The following AVL9 variants were observed in gnomAD, a reference collection of about 807,000 sequenced individuals.
The protein encoded by AVL9 is AVL9 cell migration associated.
A neutral mutation model predicts 79.2 loss-of-function variants in AVL9; 49 were observed. That is an observed-to-expected ratio of 0.62 (90% CI 0.49 to 0.79). The LOEUF is 0.79. AVL9 is among the 30% of genes least tolerant of loss of function. The probability of loss-of-function intolerance (pLI) is 0.00; values close to 1 mark genes in which losing one functional copy is unlikely to be tolerated. For synonymous variants in AVL9, 299 were observed against 280.6 expected, an observed-to-expected ratio of 1.07 and a Z score of -0.65; for missense variants, 682 against 776.8, an observed-to-expected ratio of 0.88 and a Z score of 1.45.
intron 10 of AVL9, among the ~76,000 whole-genome samples, chr7:32,566,533 A>T (rs78627837): frequency 1 from 151,586 of 151,586 alleles, 75,793 homozygotes; most frequent in Non-Finnish European, 1. Flanking sequence ...ATAAAATAGT[A>T]TATAAATACT....
intron 3 of AVL9, among the ~76,000 whole-genome samples, chr7:32,545,895 G>A (rs1789474096): frequency 6.6e-6 from 1 of 152,060 alleles, no homozygotes; most frequent in Admixed American, 6.6e-5. Flanking sequence ...ATCACCTGGA[G>A]AGCTTTAAAA....
chr7:32,586,731 T>G lies in AVL9; in HGVS notation c.*2824T>G, dbSNP rs1264093662. On this transcript the variant is annotated 3_prime_UTR_variant, in exon 16 of 16. Coordinates refer to ENST00000318709, the MANE Select transcript of AVL9 (RefSeq NM_015060.3). ...TTCAGATGGCGCCAGGCACACACAC[T>G]ACATCAATGGCTTGCTGGTGGCTTC... The G allele has an allele frequency of 6.6e-6, 1 of 152,254 alleles. No individual in the cohort carries two copies. Among genetic ancestry groups the G allele is most frequent in the Non-Finnish European group, 1.5e-5 (1 of 68,068 alleles). 9.4% of individuals were successfully genotyped at this position (152,254 alleles called of 1,614,324 possible).
At chr7:32,531,249 A>G (rs954927875) in intron 1 of AVL9, among the ~76,000 whole-genome samples, 2 of 152,042 alleles carry the variant, frequency 1.3e-5, no homozygotes, top group Admixed American at 1.3e-4. Flanking sequence ...TTAAGCGGTA[A>G]TTATTTAGCT....
intron 1 of AVL9, among the ~76,000 whole-genome samples, chr7:32,541,453 A>T (rs954319720): frequency 6.6e-6 from 1 of 152,104 alleles, no homozygotes; most frequent in African/African-American, 2.4e-5. Context: ...TGATTATATA[A>T]AATATAATTA....
chr7:32,528,445 GGA>G (rs1295689873), intron 1 of AVL9, among the ~76,000 whole-genome samples: 1 of 152,140 alleles, frequency 6.6e-6, no homozygotes, highest in East Asian at 1.9e-4. Context: ...AACTCATTGA[GGA>G]GAGAGCCCGT....
At chr7:32,537,352 T>C (rs1313225795) in intron 1 of AVL9, 1 of 151,904 alleles carries the variant, frequency 6.6e-6, no homozygotes, top group East Asian at 1.9e-4. Flanking sequence ...CACATTTGAA[T>C]ATTCTGAAAA....
At chr7:32,523,508 C>CTTTTTTTTTTTTTTT (rs70992725) in intron 1 of AVL9, among the ~76,000 whole-genome samples, 2 of 79,262 alleles carry the variant, frequency 2.5e-5, no homozygotes, top group Non-Finnish European at 4.4e-5. Context: ...TATAAATTTC[C>CTTTTTTTTTTTTTTT]TTTTTTTTTT....
At chr7:32,558,224 T>C (rs958341503) in intron 8 of AVL9, among the ~76,000 whole-genome samples, 7 of 149,568 alleles carry the variant, frequency 4.7e-5, no homozygotes, top group African/African-American at 7.4e-5. Context: ...AGTGGTGTGA[T>C]CTTGGCTCAC....
intron 13 of AVL9, among the ~76,000 whole-genome samples, chr7:32,578,230 G>A (rs185301552): frequency 2.6e-4 from 39 of 152,146 alleles, no homozygotes; most frequent in Admixed American, 3.3e-4. Flanking sequence ...AGCCCTCAGA[G>A]AGAATTGATG....
chr7:32,580,919 T>C lies in AVL9; in HGVS notation c.1831+29T>C, dbSNP rs367590067. The C allele has an allele frequency of 5.9e-5, 90 of 1,534,244 alleles. 1 individual carries two copies. Among genetic ancestry groups the C allele is most frequent in the Non-Finnish European group, 7.6e-5 (84 of 1,110,290 alleles). On this transcript the variant is annotated intron_variant, in intron 15 of 15. Coordinates refer to ENST00000318709, the MANE Select transcript of AVL9 (RefSeq NM_015060.3). ...AGACATGCCTTTAGCCAGGAACAAA[T>C]TGGAATCACAACACATCCATTTTCT...
intron 1 of AVL9, among the ~76,000 whole-genome samples, chr7:32,530,605 C>T (rs995421610): frequency 1.3e-5 from 2 of 152,120 alleles, no homozygotes; most frequent in African/African-American, 4.8e-5. Context: ...TTTAAACAAA[C>T]ATAATTCTAT....
At chr7:32,504,976 C>T (rs993742965) in intron 1 of AVL9, among the ~76,000 whole-genome samples, 3 of 152,034 alleles carry the variant, frequency 2.0e-5, no homozygotes, top group Admixed American at 6.5e-5. Flanking sequence ...TGGGTACAAG[C>T]GATTCTCCTG....
At chr7:32,569,991 A>G (rs376757702) in intron 10 of AVL9, 29 bp from the exon 11 acceptor site, 20 of 1,610,574 alleles carry the variant, frequency 1.2e-5, no homozygotes, top group Non-Finnish European at 1.7e-5. Flanking sequence ...TACTTTTCTG[A>G]TATTTTCTAT....
intron 1 of AVL9, among the ~76,000 whole-genome samples, chr7:32,503,649 T>C (rs1321802142): frequency 6.6e-6 from 1 of 151,326 alleles, no homozygotes; most frequent in African/African-American, 2.4e-5. Context: ...CAGGGTATGC[T>C]GAGTGTTCAT....
intron 10 of AVL9, among the ~76,000 whole-genome samples, chr7:32,567,030 T>TA (rs1024169251): frequency 1.3e-5 from 2 of 152,244 alleles, no homozygotes; most frequent in Non-Finnish European, 2.9e-5. Flanking sequence ...GGTACTTTTT[T>TA]AAAAAATACA....
chr7:32,570,955 C>G (rs1309341119), intron 11 of AVL9, among the ~76,000 whole-genome samples: 1 of 143,384 alleles, frequency 7.0e-6, no homozygotes, highest in Non-Finnish European at 1.5e-5. Flanking sequence ...TGAGGCTCGG[C>G]GCAGTGGCTC....
Position 32,584,138 on chromosome 7 carries a change from G to A in AVL9, c.*231G>A, listed in dbSNP as rs1246298229. 3.6e-6 allele frequency: 2 copies of A among 563,030 alleles called. No individual in the cohort carries two copies. Among genetic ancestry groups the A allele is most frequent in the Non-Finnish European group, 6.5e-6 (2 of 305,396 alleles). 34.9% of individuals were successfully genotyped at this position (563,030 alleles called of 1,614,324 possible). A position where few individuals can be genotyped will look rare whatever the true frequency, so the allele number is the denominator to read the frequency against. ...CAATTGACTACTTTTATTTCAGTCT[G>A]AGCCTGATTAAAACATACAGTGAAC... On this transcript the variant is annotated 3_prime_UTR_variant, in exon 16 of 16. Transcript: ENST00000318709.
chr7:32,558,856 C>A, intron 9 of AVL9, 73 bp from the exon 10 acceptor site: 2 of 1,320,092 alleles, frequency 1.5e-6, no homozygotes. Context: ...ATAGGGGAGT[C>A]TACTAATATA....
At chr7:32,562,605 GC>G (rs1562790613) in intron 10 of AVL9, 1 of 983,188 alleles carries the variant, frequency 1.0e-6, no homozygotes, top group Non-Finnish European at 1.2e-6. Flanking sequence ...TTAAGATGAA[GC>G]AGTCAACTTC....
Sources: allele counts gnomAD v4.1 joint callset (sites outside exome capture counted in the v4.1 genomes callset), GRCh38; gene constraint gnomAD v4.1.1; transcripts MANE v1.5; gene names NCBI Gene and HGNC (gene_info 2026-07-23, HGNC 2026-07-21).